The following VIL1 variants were observed in gnomAD, a reference collection of about 807,000 sequenced individuals.
VIL1 encodes the protein villin-1.
In VIL1, 86 loss-of-function variants were observed where a neutral mutation model predicts 104.0. The observed-to-expected ratio is 0.83, with a 90% confidence interval of 0.69 to 0.99. The LOEUF (loss-of-function observed/expected upper bound fraction) is 0.99, where lower values mean the gene tolerates loss of function less well. Ranked by LOEUF, VIL1 falls within the 50% of genes least tolerant of loss-of-function variation. The pLI is 0.00. For missense variants in VIL1, 944 were observed against 1,054.1 expected (o/e 0.90, Z 1.45); for synonymous variants, 394 against 412.6 (o/e 0.95, Z 0.55).
At chr2:218,421,220 T>C (rs1574810600) in intron 1 of VIL1, among the ~76,000 whole-genome samples, 1 of 151,904 alleles carries the variant, frequency 6.6e-6, no homozygotes, top group African/African-American at 2.4e-5. Context: ...CAGTGTGGCA[T>C]TTCTAGAGGG....
Position 218,436,569 on chromosome 2 carries a change from C to A in VIL1, c.1914C>A (p.Asp638Glu). Residue 638 changes from aspartate to glutamate, a missense_variant, in exon 16 of 20, where the codon GAC becomes GAA. Asp to Glu is a conservative substitution (Grantham distance 45, BLOSUM62 2). Coordinates refer to ENST00000248444, the MANE Select transcript of VIL1 (RefSeq NM_007127.3). Reference protein sequence around the residue: ...TGRFLATEIPDFNQDDLEEDD... With the variant: ...TGRFLATEIPEFNQDDLEEDD... Reference sequence around the variant, plus strand: ...GCTTCCTGGCCACAGAGATCCCTGACTTCAATCAGGATGACTTGGAAGAGG... The same window carrying A: ...GCTTCCTGGCCACAGAGATCCCTGAATTCAATCAGGATGACTTGGAAGAGG... 6.2e-7 allele frequency: 1 copy of A among 1,614,102 alleles called. No individual in the cohort carries two copies. The highest frequency in any genetic ancestry group is 8.5e-7 in the Non-Finnish European group (1 of 1,180,022).
chr2:218,437,449 G>A (rs1689216233), intron 17 of VIL1, 137 bp downstream of exon 17: 2 of 1,206,960 alleles, frequency 1.7e-6, no homozygotes, highest in African/African-American at 3.1e-5. Context: ...AGAATAGAAA[G>A]TAAGGCTGCA....
chr2:218,430,973 C>T, intron 10 of VIL1, 95 bp downstream of exon 10: 1 of 1,476,168 alleles, frequency 6.8e-7, no homozygotes, highest in Non-Finnish European at 9.2e-7. Context: ...CCCTGACGTG[C>T]ATCTTCAACG....
In VIL1 at chr2:218,446,767, T is replaced by C. The variant is rs1215482286; in HGVS notation, c.2371-2456T>C. On this transcript the variant is annotated intron_variant, in intron 19 of 19. Transcript: ENST00000248444. ...GTAATCAAGTGACCTTGACTTTTTTTTTTTTTTTTTTTTTGAGACAGAGTC... is the reference window on the plus strand; with the variant it reads ...GTAATCAAGTGACCTTGACTTTTTTCTTTTTTTTTTTTTTGAGACAGAGTC... 1.0e-3 allele frequency among the ~76,000 whole-genome samples: 48 copies of C among 47,412 alleles called. 2 individuals carry two copies. In the East Asian group the frequency reaches 0.13, roughly 126 times the overall value. The allele number at this position is 47,412 out of a possible 152,430, so 31.1% of individuals were successfully genotyped here.
chr2:218,420,093 T>G (rs1688874559), intron 1 of VIL1, among the ~76,000 whole-genome samples: 1 of 151,980 alleles, frequency 6.6e-6, no homozygotes, highest in Non-Finnish European at 1.5e-5. Flanking sequence ...AGCACCCCAC[T>G]TACAACAGAG....
rs1689196390 is a variant in VIL1, at chr2:218,436,642, T to TG, written c.1971+20dup. The TG allele has an allele frequency of 6.2e-7, 1 of 1,609,916 alleles. No individual in the cohort carries two copies. The highest frequency in any genetic ancestry group is 8.5e-7 in the Non-Finnish European group (1 of 1,177,968). On this transcript the variant is annotated intron_variant, in intron 16 of 19. Coordinates refer to ENST00000248444, the MANE Select transcript of VIL1 (RefSeq NM_007127.3). ...CTGGGACCAGGTAGGACCAAGGGCC[T>TG]GGGGACCCCTCTTCCCAGCCACCTC...
rs766607733 is a variant in VIL1, at chr2:218,432,883, C to T, written c.1432C>T (p.Arg478Trp). 25 of 1,614,074 alleles carry T rather than the reference C, an allele frequency of 1.5e-5. No homozygotes were observed. The highest frequency in any genetic ancestry group is 7.7e-5 in the South Asian group (7 of 91,084). Reference protein sequence around the residue: ...QKYNGEPVQIRVPMGKEPPHL... With the variant: ...QKYNGEPVQIWVPMGKEPPHL... ...GTACAATGGTGAACCAGTCCAGATC[C>T]GGGTCCCAATGGGCAAGGAGCCACC... The change falls in exon 13 of 20, where the codon CGG becomes TGG. Residue 478 changes from arginine (R) to tryptophan (W), a missense_variant. Transcript: ENST00000248444.
At chr2:218,427,849 G>C in intron 4 of VIL1, 116 bp from the exon 5 acceptor site, 1 of 903,954 alleles carries the variant, frequency 1.1e-6, no homozygotes, top group East Asian at 2.4e-5. Flanking sequence ...CATTGACCTC[G>C]CCTACTCCCA....
chr2:218,443,281 C>A (rs965798932), intron 19 of VIL1, among the ~76,000 whole-genome samples: 1 of 151,664 alleles, frequency 6.6e-6, no homozygotes. Context: ...TCACTGCAAC[C>A]TCTGCCTCCC....
At chr2:218,429,220 T>C (rs1689052471) in intron 6 of VIL1, 65 bp from the exon 7 acceptor site, 1 of 1,546,846 alleles carries the variant, frequency 6.5e-7, no homozygotes, top group East Asian at 2.3e-5. Flanking sequence ...TGGCAGGGTG[T>C]AGGGTGGCAG....
chr2:218,424,430 G>T lies in VIL1; in HGVS notation c.150+79G>T, dbSNP rs944729827. On this transcript the variant is annotated intron_variant, in intron 3 of 19. Coordinates refer to ENST00000248444, the MANE Select transcript of VIL1 (RefSeq NM_007127.3). ...TCAGGGAGGAAACAGGCTGGGGGCC[G>T]TGGGGAGAGTTGGCCTGGCTTCACC... 4.7e-6 allele frequency: 7 copies of T among 1,476,286 alleles called. No homozygotes were observed. In the African/African-American group the frequency reaches 5.5e-5, roughly 12 times the overall value. The allele number at this position is 1,476,286 out of a possible 1,614,324, so 91.4% of individuals were successfully genotyped here. A position where few individuals can be genotyped will look rare whatever the true frequency, so the allele number is the denominator to read the frequency against.
Position 218,437,184 on chromosome 2 carries a change from G to A in VIL1, c.2032G>A (p.Ala678Thr). 3.1e-6 allele frequency: 5 copies of A among 1,614,212 alleles called. No homozygotes were observed. Among genetic ancestry groups the A allele is most frequent in the Non-Finnish European group, 4.2e-6 (5 of 1,180,034 alleles). The change falls in exon 17 of 20, where the codon GCA becomes ACA. Residue 678 changes from alanine to threonine, a missense_variant. Coordinates refer to ENST00000248444, the MANE Select transcript of VIL1 (RefSeq NM_007127.3). ...GGAGAAGAAGGCCGCAGCAACCACT[G>A]CACAGGAATACCTCAAGACCCATCC... is the stretch of plus-strand genomic sequence containing the variant. ...EEEKKAAATT[A>T]QEYLKTHPSG...
At chr2:218,441,317 A>C (rs1336056693) in intron 19 of VIL1, among the ~76,000 whole-genome samples, 1 of 151,046 alleles carries the variant, frequency 6.6e-6, no homozygotes, top group East Asian at 1.9e-4. Flanking sequence ...TGAACCCGGG[A>C]GGTGGAGGTT....
chr2:218,433,384 G>A (rs1384841900), intron 13 of VIL1, among the ~76,000 whole-genome samples: 1 of 151,816 alleles, frequency 6.6e-6, no homozygotes, highest in East Asian at 1.9e-4. Flanking sequence ...GCAGTGAGCC[G>A]AGATTGTGCC....
At chr2:218,430,507 G>A (rs1159455785) in intron 9 of VIL1, among the ~76,000 whole-genome samples, 1 of 152,090 alleles carries the variant, frequency 6.6e-6, no homozygotes, top group Non-Finnish European at 1.5e-5. Flanking sequence ...GAGTCTTGAG[G>A]CCAGTGTTAG....
At position 218,449,845 on chromosome 2, in the gene VIL1, C is replaced by G. The variant is rs1388118889; in HGVS notation, c.*509C>G. On this transcript the variant is annotated 3_prime_UTR_variant, in exon 20 of 20. Transcript: ENST00000248444. ...GAGTTGAATGGTCCACAAGACTACC[C>G]TCTTAAGAGGTTTCACAAATTCCAA... The G allele has an allele frequency of 1.3e-5, 2 of 157,958 alleles. No homozygotes were observed. Among genetic ancestry groups the G allele is most frequent in the African/African-American group, 4.8e-5 (2 of 41,492 alleles). 9.8% of individuals were successfully genotyped at this position (157,958 alleles called of 1,614,324 possible). A position where few individuals can be genotyped will look rare whatever the true frequency, so the allele number is the denominator to read the frequency against.
chr2:218,446,454 C>T lies in VIL1; in HGVS notation c.2371-2769C>T, dbSNP rs180946273. ...TTCACCATGTTGGCCAGGCTGGTCT[C>T]GAACTCATGACCTCAGGTGATCCAC... On this transcript the variant is annotated intron_variant, in intron 19 of 19. Coordinates refer to ENST00000248444, the MANE Select transcript of VIL1 (RefSeq NM_007127.3). 1.7e-4 allele frequency among the ~76,000 whole-genome samples: 26 copies of T among 152,082 alleles called. No individual in the cohort carries two copies. In the South Asian group the frequency reaches 2.5e-3, roughly 15 times the overall value.
chr2:218,423,826 C>T lies in VIL1; in HGVS notation c.48C>T (p.Thr16=), dbSNP rs1376563663. The T allele has an allele frequency of 6.2e-7, 1 of 1,614,202 alleles. No individual in the cohort carries two copies. Among genetic ancestry groups the T allele is most frequent in the South Asian group, 1.1e-5 (1 of 91,084 alleles). Residue 16 remains threonine (T), a synonymous_variant, in exon 2 of 20, where the codon ACC becomes ACT. Coordinates refer to ENST00000248444, the MANE Select transcript of VIL1 (RefSeq NM_007127.3). ...AQVKGSLNIT[T]PGLQIWRIEA... ...TCAAAGGCTCTCTCAACATCACCAC[C>T]CCGGGGCTGCAGATATGGAGGATCG...
At chr2:218,423,128 G>T (rs1035769722) in intron 1 of VIL1, among the ~76,000 whole-genome samples, 3 of 152,220 alleles carry the variant, frequency 2.0e-5, no homozygotes, top group Admixed American at 2.0e-4. Context: ...AGGCACAGTG[G>T]CTCATGCCTG....
Sources: allele counts gnomAD v4.1 joint callset (sites outside exome capture counted in the v4.1 genomes callset), GRCh38; gene constraint gnomAD v4.1.1; transcripts MANE v1.5; gene names NCBI Gene and HGNC (gene_info 2026-07-23, HGNC 2026-07-21).